MAGI3: variants seen among roughly 807,000 people sequenced by gnomAD.
The protein encoded by MAGI3 is membrane associated guanylate kinase, WW and PDZ domain containing 3.
In MAGI3, 43 loss-of-function variants were observed where a neutral mutation model predicts 121.8. The observed-to-expected ratio is 0.35, with a 90% CI of 0.28 to 0.46. MAGI3 has a LOEUF of 0.46. MAGI3 is among the 20% of genes least tolerant of loss of function. The pLI, the probability that MAGI3 is intolerant of heterozygous loss-of-function variation, is 1.00. For missense variants in MAGI3, 1,547 were observed against 1,797.3 expected (o/e 0.86, Z 2.52); for synonymous variants, 553 against 639.3 (o/e 0.86, Z 2.04).
chr1:113,465,505 T>G (rs1442243932), intron 1 of MAGI3, among the ~76,000 whole-genome samples: 1 of 152,106 alleles, frequency 6.6e-6, no homozygotes, highest in African/African-American at 2.4e-5. Context: ...TGATTCCATA[T>G]AAATGTTAAG....
chr1:113,651,971 A>ATGT (rs1194898376), intron 14 of MAGI3, among the ~76,000 whole-genome samples: 4 of 152,184 alleles, frequency 2.6e-5, no homozygotes, highest in Non-Finnish European at 4.4e-5. Flanking sequence ...AGTGCTTACT[A>ATGT]TGTCCTAGAT....
chr1:113,634,229 T>C (rs1397873077), intron 9 of MAGI3, among the ~76,000 whole-genome samples: 1 of 152,064 alleles, frequency 6.6e-6, no homozygotes, highest in Non-Finnish European at 1.5e-5. Flanking sequence ...GTGCAGAAGC[T>C]CTTTAGTTTA....
At position 113,641,955 on chromosome 1, in the gene MAGI3, A is replaced by C; in HGVS notation, c.1405A>C (p.Thr469Pro). The C allele has an allele frequency of 1.2e-6, 2 of 1,607,154 alleles. No homozygotes were observed. Among genetic ancestry groups the C allele is most frequent in the Non-Finnish European group, 1.7e-6 (2 of 1,174,090 alleles). ...DINGNCVLGH[T>P]HADVVQMFQL... ...CAATGGCAACTGTGTCCTCGGTCAC[A>C]CTCATGCAGATGTTGTCCAGATGTT... The change falls in exon 10 of 21, where the codon ACT becomes CCT. Residue 469 changes from threonine (T) to proline (P), a missense_variant. Coordinates refer to ENST00000307546, the MANE Select transcript of MAGI3 (RefSeq NM_001142782.2).
At chr1:113,661,094 A>G (rs1557879876) in intron 16 of MAGI3, among the ~76,000 whole-genome samples, 1 of 152,302 alleles carries the variant, frequency 6.6e-6, no homozygotes, top group East Asian at 1.9e-4. Context: ...AAACTACATA[A>G]TATTTCTAAT....
chr1:113,428,462 G>A (rs1287838704), intron 1 of MAGI3, among the ~76,000 whole-genome samples: 1 of 152,022 alleles, frequency 6.6e-6, no homozygotes, highest in African/African-American at 2.4e-5. Flanking sequence ...ACTCTTTCTG[G>A]ACTCACTATA....
chr1:113,442,295 A>G (rs1653957437), intron 1 of MAGI3, among the ~76,000 whole-genome samples: 1 of 152,346 alleles, frequency 6.6e-6, no homozygotes, highest in African/African-American at 2.4e-5. Flanking sequence ...GGAAGTACCC[A>G]GCTGTGCACT....
intron 18 of MAGI3, 144 bp downstream of exon 18, chr1:113,672,885 T>C: frequency 9.0e-7 from 1 of 1,115,280 alleles, no homozygotes; most frequent in Non-Finnish European, 1.3e-6. Flanking sequence ...TTTGGCATTC[T>C]GCTGGCATTC....
chr1:113,451,169 G>A (rs1339564644), intron 1 of MAGI3, among the ~76,000 whole-genome samples: 2 of 152,160 alleles, frequency 1.3e-5, no homozygotes, highest in African/African-American at 4.8e-5. Context: ...TCCATCATGT[G>A]TATTAGAGGA....
At chr1:113,618,783 C>A (rs1271263986) in intron 7 of MAGI3, among the ~76,000 whole-genome samples, 1 of 152,174 alleles carries the variant, frequency 6.6e-6, no homozygotes, top group Non-Finnish European at 1.5e-5. Flanking sequence ...AGATTCCAGG[C>A]GTGAGCCACT....
At chr1:113,407,218 G>C (rs1651728120) in intron 1 of MAGI3, among the ~76,000 whole-genome samples, 1 of 152,152 alleles carries the variant, frequency 6.6e-6, no homozygotes, top group Non-Finnish European at 1.5e-5. Flanking sequence ...GGCAAGAGTG[G>C]AAGAAGGGAA....
intron 9 of MAGI3, among the ~76,000 whole-genome samples, chr1:113,634,044 G>C (rs1272613762): frequency 6.6e-6 from 1 of 151,714 alleles, no homozygotes; most frequent in Non-Finnish European, 1.5e-5. Flanking sequence ...CTTTTGAGAA[G>C]TGTCTGTTCA....
chr1:113,533,348 C>A (rs982120062), intron 1 of MAGI3, among the ~76,000 whole-genome samples: 1 of 152,178 alleles, frequency 6.6e-6, no homozygotes, highest in Admixed American at 6.5e-5. Flanking sequence ...ATAACCAAAT[C>A]CACATGTTTT....
intron 7 of MAGI3, 60 bp from the exon 8 acceptor site, chr1:113,619,675 AT>A: frequency 8.9e-7 from 1 of 1,125,016 alleles, no homozygotes; most frequent in Non-Finnish European, 1.3e-6. Flanking sequence ...ATGATAGACT[AT>A]TTAAGAATAT....
intron 9 of MAGI3, among the ~76,000 whole-genome samples, chr1:113,627,100 T>C (rs559212810): frequency 1.3e-5 from 2 of 152,216 alleles, no homozygotes; most frequent in African/African-American, 4.8e-5. Flanking sequence ...CTGCTTTTGC[T>C]GTATCCCATA....
intron 1 of MAGI3, among the ~76,000 whole-genome samples, chr1:113,487,399 G>A (rs993331745): frequency 1.3e-5 from 2 of 152,164 alleles, no homozygotes; most frequent in South Asian, 2.1e-4. Context: ...ATTTTAACTG[G>A]AATTAATTGT....
chr1:113,465,624 T>C (rs555028457), intron 1 of MAGI3, among the ~76,000 whole-genome samples: 2 of 152,236 alleles, frequency 1.3e-5, no homozygotes, highest in Non-Finnish European at 2.9e-5. Flanking sequence ...TTAATTCTTC[T>C]AATCAATAAA....
chr1:113,555,650 T>C (rs972083839), intron 2 of MAGI3, among the ~76,000 whole-genome samples: 26 of 152,138 alleles, frequency 1.7e-4, no homozygotes, highest in Non-Finnish European at 1.6e-4. Context: ...GAAATTAAAT[T>C]AGAAATTATT....
chr1:113,580,457 C>T, intron 2 of MAGI3, 85 bp from the exon 3 acceptor site: 1 of 1,300,014 alleles, frequency 7.7e-7, no homozygotes, highest in South Asian at 1.5e-5. Context: ...TATGTGTTCT[C>T]TACAAACTGA....
At position 113,585,614 on chromosome 1, in the gene MAGI3, C is replaced by A. The variant is rs765234507; in HGVS notation, c.763+18C>A. The A allele has an allele frequency of 5.1e-6, 8 of 1,574,190 alleles. No individual in the cohort carries two copies. The Admixed American group carries it at 7.1e-5, about 14-fold the overall frequency. ...AAACGCAGGTTTGTAAATAGATGAA[C>A]AACTTCTAACTGATCTTCTAGATTG... On this transcript the variant is annotated intron_variant, in intron 4 of 20. Transcript: ENST00000307546.
Sources: allele counts gnomAD v4.1 joint callset (sites outside exome capture counted in the v4.1 genomes callset), GRCh38; gene constraint gnomAD v4.1.1; transcripts MANE v1.5; gene names NCBI Gene and HGNC (gene_info 2026-07-23, HGNC 2026-07-21).